The following WDR7 variants were observed in gnomAD, a reference collection of about 807,000 sequenced individuals.
WDR7 encodes WD repeat-containing protein 7.
In WDR7, 46 loss-of-function variants were observed where a neutral mutation model predicts 169.4. That is an observed-to-expected ratio of 0.27 (90% CI 0.21 to 0.35). The LOEUF is 0.35. Ranked by LOEUF, WDR7 falls within the 10% of genes least tolerant of loss-of-function variation. The pLI is 1.00. For synonymous variants in WDR7, 612 were observed against 666.8 expected, an observed-to-expected ratio of 0.92 and a Z score of 1.27; for missense variants, 1,534 against 1,859.3, an observed-to-expected ratio of 0.83 and a Z score of 3.22.
intron 21 of WDR7, among the ~76,000 whole-genome samples, chr18:56,895,477 T>A (rs572662026): frequency 1.3e-5 from 1 of 74,682 alleles, no homozygotes; most frequent in Admixed American, 1.7e-4. Context: ...TACACTTGGA[T>A]TTTTTTAAAA....
At chr18:56,979,838 G>C (rs1381189815) in intron 26 of WDR7, among the ~76,000 whole-genome samples, 1 of 152,190 alleles carries the variant, frequency 6.6e-6, no homozygotes, top group Non-Finnish European at 1.5e-5. Context: ...ACTTTTCCAA[G>C]TGGTAAATCC....
At chr18:56,692,914 A>T (rs149645294) in intron 9 of WDR7, among the ~76,000 whole-genome samples, 1 of 152,144 alleles carries the variant, frequency 6.6e-6, no homozygotes, top group African/African-American at 2.4e-5. Flanking sequence ...ACAAAAAAAA[A>T]AATTAGCATG....
chr18:56,778,403 C>T (rs909320205), intron 17 of WDR7, among the ~76,000 whole-genome samples: 3 of 151,810 alleles, frequency 2.0e-5, no homozygotes, highest in African/African-American at 7.2e-5. Flanking sequence ...TTTTTTGCAC[C>T]CATCTTTGAT....
intron 7 of WDR7, among the ~76,000 whole-genome samples, chr18:56,688,592 G>T (rs181724696): frequency 8.6e-5 from 13 of 151,592 alleles, no homozygotes; most frequent in African/African-American, 3.1e-4. Flanking sequence ...AGCAGTGCAT[G>T]GTGACGCACA....
In WDR7 at chr18:56,695,209, G is replaced by T; in HGVS notation, c.1357+11G>T. The T allele has an allele frequency of 6.2e-7, 1 of 1,612,166 alleles. No homozygotes were observed. Among genetic ancestry groups the T allele is most frequent in the South Asian group, 1.1e-5 (1 of 90,940 alleles). ...ACATGCTCAGAAGAGGTATACTGAA[G>T]AGCTCCGTATGTCTAAAGTGTTTTG... is the stretch of plus-strand genomic sequence containing the variant. On this transcript the variant is annotated intron_variant, in intron 11 of 27. Coordinates refer to ENST00000254442, the MANE Select transcript of WDR7 (RefSeq NM_015285.3).
At chr18:56,875,318 A>G (rs562438074) in intron 20 of WDR7, among the ~76,000 whole-genome samples, 9 of 152,308 alleles carry the variant, frequency 5.9e-5, no homozygotes, top group African/African-American at 2.2e-4. Flanking sequence ...TCTGTTTAAC[A>G]TCACAAAACC....
intron 21 of WDR7, among the ~76,000 whole-genome samples, chr18:56,899,785 C>G (rs2046376194): frequency 6.6e-6 from 1 of 151,828 alleles, no homozygotes; most frequent in Admixed American, 6.6e-5. Flanking sequence ...GAAATAAATG[C>G]TTTTTGTGTT....
At chr18:57,002,363 A>G (rs2047995231) in intron 26 of WDR7, among the ~76,000 whole-genome samples, 1 of 152,208 alleles carries the variant, frequency 6.6e-6, no homozygotes, top group Admixed American at 6.5e-5. Flanking sequence ...TTTGCATCCT[A>G]GAAAAATGTA....
intron 26 of WDR7, among the ~76,000 whole-genome samples, chr18:56,994,864 C>A (rs1441857900): frequency 1.3e-5 from 2 of 152,180 alleles, no homozygotes; most frequent in East Asian, 3.8e-4. Context: ...GAGGATTTTA[C>A]AAACTCACCA....
chr18:56,773,847 A>G (rs2044201733), intron 16 of WDR7, among the ~76,000 whole-genome samples: 1 of 152,112 alleles, frequency 6.6e-6, no homozygotes, highest in South Asian at 2.1e-4. Flanking sequence ...GTGGTGGTTA[A>G]TTCTACAAAG....
chr18:56,964,438 C>A (rs1245990468), intron 26 of WDR7, among the ~76,000 whole-genome samples: 1 of 151,984 alleles, frequency 6.6e-6, no homozygotes, highest in Non-Finnish European at 1.5e-5. Context: ...AAGGTGTGAT[C>A]TTGGCTCACT....
intron 19 of WDR7, among the ~76,000 whole-genome samples, chr18:56,789,046 A>T (rs141856739): frequency 2.4e-4 from 37 of 152,308 alleles, no homozygotes; most frequent in African/African-American, 8.4e-4. Flanking sequence ...AGTCAGAGCT[A>T]TTGAGCTTAA....
intron 19 of WDR7, among the ~76,000 whole-genome samples, chr18:56,794,302 C>CTTT (rs1217568621): frequency 6.8e-5 from 2 of 29,466 alleles, no homozygotes; most frequent in Non-Finnish European, 9.1e-5. Flanking sequence ...AAGGTAAAGT[C>CTTT]TATTTTTTTT....
chr18:56,829,951 TAAC>T (rs2045280097), intron 20 of WDR7, among the ~76,000 whole-genome samples: 1 of 152,152 alleles, frequency 6.6e-6, no homozygotes, highest in Non-Finnish European at 1.5e-5. Context: ...AGTTAGAAAA[TAAC>T]AACACAGAGT....
intron 12 of WDR7, chr18:56,699,710 C>T: frequency 2.2e-6 from 1 of 453,072 alleles, no homozygotes; most frequent in Non-Finnish European, 2.9e-6. Context: ...TTTATAGTCA[C>T]ACTTCACGTT....
intron 1 of WDR7, among the ~76,000 whole-genome samples, chr18:56,660,635 T>G (rs1419703484): frequency 6.9e-6 from 1 of 145,796 alleles, no homozygotes; most frequent in Non-Finnish European, 1.5e-5. Context: ...GACTAAGTTG[T>G]GGGAATGCCA....
chr18:56,810,788 G>A (rs760565686), intron 19 of WDR7, among the ~76,000 whole-genome samples: 5 of 152,078 alleles, frequency 3.3e-5, no homozygotes, highest in African/African-American at 9.7e-5. Flanking sequence ...TTATTGACAC[G>A]TAATTCACTT....
chr18:56,839,486 C>G (rs1311012513), intron 20 of WDR7, among the ~76,000 whole-genome samples: 1 of 152,122 alleles, frequency 6.6e-6, no homozygotes, highest in Non-Finnish European at 1.5e-5. Flanking sequence ...TATGACTCGT[C>G]TATAATGTTA....
intron 26 of WDR7, among the ~76,000 whole-genome samples, chr18:56,972,033 G>A (rs1017097102): frequency 2.6e-5 from 4 of 152,158 alleles, no homozygotes; most frequent in Non-Finnish European, 1.5e-5. Context: ...TTTTCTGTTA[G>A]CTAAAATTAT....
Sources: gnomAD v4.1 joint callset for allele counts (sites outside exome capture counted in the v4.1 genomes callset) on GRCh38, gnomAD v4.1.1 for gene constraint, MANE v1.5 for transcripts, NCBI Gene and HGNC (gene_info 2026-07-23, HGNC 2026-07-21) for gene names.